Variants in CDH18 observed in about 807,000 individuals in gnomAD.
The protein encoded by CDH18 is cadherin-18.
CDH18 carries 31 observed loss-of-function variants against 67.9 expected under a neutral mutation model. The ratio of observed to expected loss-of-function variants is 0.46; its 90% CI spans 0.34 to 0.62. CDH18 has a LOEUF of 0.62. CDH18 is among the 20% of genes least tolerant of loss of function. The pLI, the probability that CDH18 is intolerant of heterozygous loss-of-function variation, is 0.01. For missense variants in CDH18, 890 were observed against 975.5 expected, an observed-to-expected ratio of 0.91 and a Z score of 1.17; for synonymous variants, 362 against 347.2, an observed-to-expected ratio of 1.04 and a Z score of -0.48.
intron 1 of CDH18, among the ~76,000 whole-genome samples, chr5:20,376,933 C>T (rs1170967882): frequency 6.6e-6 from 1 of 151,614 alleles, no homozygotes; most frequent in Non-Finnish European, 1.5e-5. Flanking sequence ...AGGAGAATTG[C>T]TTGAATCCGG....
At chr5:20,266,296 T>G (rs1453447186) in intron 1 of CDH18, among the ~76,000 whole-genome samples, 1 of 152,172 alleles carries the variant, frequency 6.6e-6, no homozygotes, top group Non-Finnish European at 1.5e-5. Context: ...GAAAATAACC[T>G]GAAAGCTTTG....
intron 5 of CDH18, among the ~76,000 whole-genome samples, chr5:19,666,237 T>TTTATTA (rs70950082): frequency 0.17 from 21,505 of 127,914 alleles, 2,062 homozygotes; most frequent in Middle Eastern, 0.27. Flanking sequence ...CTGTATGATT[T>TTTATTA]TTATTATTAT....
chr5:20,404,533 G>A (rs1386775344), intron 1 of CDH18, among the ~76,000 whole-genome samples: 1 of 152,064 alleles, frequency 6.6e-6, no homozygotes, highest in Non-Finnish European at 1.5e-5. Flanking sequence ...GCATAAGGAG[G>A]CCTGATGAGA....
intron 2 of CDH18, among the ~76,000 whole-genome samples, chr5:19,843,301 G>A (rs771093993): frequency 2.6e-5 from 4 of 152,178 alleles, no homozygotes; most frequent in Non-Finnish European, 5.9e-5. Flanking sequence ...TCAGCCATGG[G>A]TAAAAGAGAC....
chr5:19,883,080 CT>C (rs1787828558), intron 2 of CDH18, among the ~76,000 whole-genome samples: 1 of 152,146 alleles, frequency 6.6e-6, no homozygotes, highest in South Asian at 2.1e-4. Flanking sequence ...GTGCAAGATA[CT>C]CTGCCTCCCA....
intron 2 of CDH18, among the ~76,000 whole-genome samples, chr5:19,967,639 A>G (rs1797584916): frequency 6.6e-6 from 1 of 152,118 alleles, no homozygotes; most frequent in South Asian, 2.1e-4. Context: ...TTTCATTTAC[A>G]TCATAAGGAA....
chr5:20,199,102 G>A (rs953010245), intron 2 of CDH18, among the ~76,000 whole-genome samples: 1 of 152,200 alleles, frequency 6.6e-6, no homozygotes, highest in Admixed American at 6.5e-5. Context: ...GCCACACAGA[G>A]TTCCCACTGG....
chr5:20,335,878 A>G (rs543853431), intron 1 of CDH18, among the ~76,000 whole-genome samples: 1 of 152,378 alleles, frequency 6.6e-6, no homozygotes, highest in Admixed American at 6.5e-5. Context: ...GTGTTACTTT[A>G]CATTATGAAA....
intron 5 of CDH18, among the ~76,000 whole-genome samples, chr5:19,676,045 C>T (rs1031449159): frequency 6.6e-6 from 1 of 151,354 alleles, no homozygotes; most frequent in African/African-American, 2.4e-5. Flanking sequence ...TCAATAATTT[C>T]ATAACACAAT....
At position 19,473,711 on chromosome 5, in the gene CDH18, C is replaced by A. The variant is rs1737957937; in HGVS notation, c.1888G>T (p.Val630Leu). The A allele has an allele frequency of 1.9e-6, 3 of 1,588,678 alleles. No individual in the cohort carries two copies. Among genetic ancestry groups the A allele is most frequent in the Non-Finnish European group, 2.6e-6 (3 of 1,167,138 alleles). Reference sequence around the variant, plus strand: ...CGCCTCAGGGTGATAAAAAGTACCACAATTGCTGAGGAAGAATGGAAAAAG... The same window carrying A: ...CGCCTCAGGGTGATAAAAAGTACCAAAATTGCTGAGGAAGAATGGAAAAAG... The part of the protein sequence containing the change: ...LLCVLILLAI[V>L]VLFITLRRSK... The change falls in exon 13 of 13, where the codon GTG becomes TTG. Residue 630 changes from valine to leucine, a missense_variant. By Grantham distance (32) the Val-to-Leu change is conservative. Around this residue, in one of 2 missense-constraint regions of CDH18, gnomAD observed 656 missense variants for 668.1 expected, o/e 0.98. Coordinates refer to ENST00000382275, the MANE Select transcript of CDH18 (RefSeq NM_004934.5).
At chr5:20,289,267 G>A (rs1176472617) in intron 1 of CDH18, among the ~76,000 whole-genome samples, 1 of 151,854 alleles carries the variant, frequency 6.6e-6, no homozygotes, top group Non-Finnish European at 1.5e-5. Context: ...TTACAAATGA[G>A]AATTATGAAA....
chr5:20,344,729 A>G (rs1359834045), intron 1 of CDH18, among the ~76,000 whole-genome samples: 2 of 152,142 alleles, frequency 1.3e-5, no homozygotes, highest in African/African-American at 4.8e-5. Flanking sequence ...TGGCCTTATT[A>G]TGGGTGAGAA....
At chr5:19,920,886 C>T (rs1189514059) in intron 2 of CDH18, among the ~76,000 whole-genome samples, 1 of 102,278 alleles carries the variant, frequency 9.8e-6, no homozygotes, top group African/African-American at 3.5e-5. Context: ...TATGTATACC[C>T]ACAAGAGCAC....
At chr5:20,062,161 T>TA (rs1742555451) in intron 2 of CDH18, among the ~76,000 whole-genome samples, 1 of 147,714 alleles carries the variant, frequency 6.8e-6, no homozygotes, top group African/African-American at 2.5e-5. Flanking sequence ...TTATTATTAT[T>TA]ATTATTATTA....
chr5:20,266,571 A>ATTT (rs34718835), intron 1 of CDH18, among the ~76,000 whole-genome samples: 761 of 59,180 alleles, frequency 0.013, 56 homozygotes, highest in South Asian at 0.018. Flanking sequence ...GCCCGGCTGA[A>ATTT]TTTTTTTTTT....
intron 1 of CDH18, among the ~76,000 whole-genome samples, chr5:20,487,101 G>A (rs911192472): frequency 6.6e-6 from 1 of 152,194 alleles, no homozygotes; most frequent in Non-Finnish European, 1.5e-5. Context: ...AAAGCCTGCA[G>A]TGTTTTCTGG....
chr5:20,287,219 T>C (rs1746757664), intron 1 of CDH18, among the ~76,000 whole-genome samples: 1 of 151,762 alleles, frequency 6.6e-6, no homozygotes, highest in South Asian at 2.1e-4. Context: ...TATGAAATAA[T>C]ACTTAAAGAA....
intron 2 of CDH18, among the ~76,000 whole-genome samples, chr5:19,862,373 T>A (rs1356108413): frequency 6.6e-6 from 1 of 152,176 alleles, no homozygotes; most frequent in Non-Finnish European, 1.5e-5. Context: ...ATTAGGAAAC[T>A]GTATCAACTG....
intron 8 of CDH18, among the ~76,000 whole-genome samples, chr5:19,564,215 A>C (rs1272476628): frequency 6.6e-6 from 1 of 152,082 alleles, no homozygotes; most frequent in East Asian, 1.9e-4. Flanking sequence ...GTGGATCTGG[A>C]GTGCAGGTGA....
Sources: gnomAD v4.1 joint callset for allele counts (sites outside exome capture counted in the v4.1 genomes callset) on GRCh38, gnomAD v4.1.1 for gene constraint, gnomAD v4.1.1 regional missense constraint, MANE v1.5 for transcripts, NCBI Gene and HGNC (gene_info 2026-07-23, HGNC 2026-07-21) for gene names.